UBE3D: variants seen among roughly 807,000 people sequenced by gnomAD.
UBE3D encodes the protein ubiquitin protein ligase E3D.
A neutral mutation model predicts 49.6 loss-of-function variants in UBE3D; 48 were observed. That is an observed-to-expected ratio of 0.97 (90% CI 0.77 to 1.23). UBE3D has a LOEUF of 1.23. Ranked by LOEUF, UBE3D falls within the 50% of genes most tolerant of loss-of-function variation. UBE3D has a pLI of 0.00. For synonymous variants in UBE3D, 189 were observed against 174.2 expected, an observed-to-expected ratio of 1.08 and a Z score of -0.67; for missense variants, 452 against 468.4, an observed-to-expected ratio of 0.96 and a Z score of 0.32.
chr6:83,044,917 C>T (rs760163790), intron 3 of UBE3D, among the ~76,000 whole-genome samples: 16 of 152,122 alleles, frequency 1.1e-4, no homozygotes, highest in Non-Finnish European at 2.2e-4. Context: ...CTTTGCCATC[C>T]GTTCAAAAGA....
intron 8 of UBE3D, among the ~76,000 whole-genome samples, chr6:82,994,229 A>C (rs1211892969): frequency 6.6e-6 from 1 of 152,188 alleles, no homozygotes; most frequent in Non-Finnish European, 1.5e-5. Context: ...ACTTATAACT[A>C]AAAACACCAA....
intron 9 of UBE3D, among the ~76,000 whole-genome samples, chr6:82,954,342 G>A (rs78281520): frequency 6.6e-6 from 1 of 152,158 alleles, no homozygotes; most frequent in African/African-American, 2.4e-5. Context: ...TAACAGAGTG[G>A]AAGCTATATT....
intron 5 of UBE3D, among the ~76,000 whole-genome samples, chr6:83,029,836 T>C (rs1366854403): frequency 1.3e-5 from 2 of 152,160 alleles, no homozygotes; most frequent in African/African-American, 2.4e-5. Context: ...AATTTTTTTT[T>C]AGTCTGGCTC....
intron 8 of UBE3D, among the ~76,000 whole-genome samples, chr6:82,989,376 G>A (rs1778732967): frequency 6.6e-6 from 1 of 151,960 alleles, no homozygotes; most frequent in Non-Finnish European, 1.5e-5. Flanking sequence ...TGGCTACATG[G>A]CATCTAGTAT....
intron 3 of UBE3D, among the ~76,000 whole-genome samples, chr6:83,052,503 G>C (rs1470664939): frequency 6.6e-6 from 1 of 152,154 alleles, no homozygotes; most frequent in Non-Finnish European, 1.5e-5. Flanking sequence ...GAGCCAACGA[G>C]GGGGAGACAG....
At chr6:82,971,695 A>C (rs1336399345) in intron 8 of UBE3D, among the ~76,000 whole-genome samples, 1 of 152,138 alleles carries the variant, frequency 6.6e-6, no homozygotes, top group Non-Finnish European at 1.5e-5. Flanking sequence ...AAGTGCTGGG[A>C]TTACAGGCAT....
chr6:82,919,988 G>A (rs73477707), intron 9 of UBE3D, among the ~76,000 whole-genome samples: 3,153 of 152,218 alleles, frequency 0.021, 49 homozygotes, highest in African/African-American at 0.038. Flanking sequence ...AAGTATCACC[G>A]AATGAAATTT....
downstream of UBE3D, among the ~76,000 whole-genome samples, chr6:82,891,925 C>G (rs1032847171): frequency 6.6e-6 from 1 of 152,078 alleles, no homozygotes; most frequent in Non-Finnish European, 1.5e-5. Flanking sequence ...TACTTGGGAG[C>G]CTGCGGCAGG....
chr6:82,937,615 T>A (rs945449620), intron 9 of UBE3D, among the ~76,000 whole-genome samples: 1 of 152,090 alleles, frequency 6.6e-6, no homozygotes, highest in Non-Finnish European at 1.5e-5. Context: ...ACTATACTTA[T>A]AAGTAAAATA....
At position 82,907,472 on chromosome 6, in the gene UBE3D, T is replaced by A. The variant is rs533802483; in HGVS notation, c.1150-14430A>T. Among the ~76,000 whole-genome samples the A allele has an allele frequency of 2.4e-4, 37 of 152,282 alleles. 1 individual carries two copies. In the South Asian group the frequency reaches 7.7e-3, roughly 32 times the overall value. ...CCAAAGGTTTCTCAGTCCCTGAGTT[T>A]CCTGTAAAACTCAAACCAATTACGG... On this transcript the variant is annotated intron_variant, in intron 9 of 9. Coordinates refer to ENST00000369747, the MANE Select transcript of UBE3D (RefSeq NM_198920.3).
At chr6:82,991,042 A>G (rs1227097664) in intron 8 of UBE3D, among the ~76,000 whole-genome samples, 1 of 152,168 alleles carries the variant, frequency 6.6e-6, no homozygotes, top group African/African-American at 2.4e-5. Flanking sequence ...TGGTACCTTC[A>G]CAGGGCCACT....
intron 9 of UBE3D, among the ~76,000 whole-genome samples, chr6:82,912,419 T>G (rs1772595930): frequency 6.6e-6 from 1 of 152,212 alleles, no homozygotes; most frequent in African/African-American, 2.4e-5. Flanking sequence ...TCTTCTTTCT[T>G]TGAGCTATTA....
intron 9 of UBE3D, among the ~76,000 whole-genome samples, chr6:82,934,163 ACT>A (rs947699510): frequency 1.3e-5 from 2 of 151,450 alleles, no homozygotes; most frequent in African/African-American, 4.9e-5. Context: ...TCCTTCACAC[ACT>A]CTCTCTCACC....
chr6:82,906,622 G>A (rs1244041038), intron 9 of UBE3D, among the ~76,000 whole-genome samples: 1 of 152,142 alleles, frequency 6.6e-6, no homozygotes, highest in East Asian at 1.9e-4. Context: ...AGTGGGGAAT[G>A]GTACTTAGCC....
chr6:83,062,098 G>A (rs1050306675), intron 1 of UBE3D, among the ~76,000 whole-genome samples: 5 of 151,264 alleles, frequency 3.3e-5, no homozygotes, highest in Non-Finnish European at 7.4e-5. Flanking sequence ...TATATTCTCT[G>A]CCGCCTCTTC....
At chr6:83,053,642 A>C (rs1210903183) in intron 3 of UBE3D, among the ~76,000 whole-genome samples, 1 of 152,244 alleles carries the variant, frequency 6.6e-6, no homozygotes, top group Non-Finnish European at 1.5e-5. Flanking sequence ...TGGCAAGAAT[A>C]AATGACAAAA....
At chr6:82,971,899 TGTTTG>T (rs1291540810) in intron 8 of UBE3D, among the ~76,000 whole-genome samples, 1 of 152,210 alleles carries the variant, frequency 6.6e-6, no homozygotes, top group Non-Finnish European at 1.5e-5. Flanking sequence ...GTATTCAAAA[TGTTTG>T]ACGCTTTCTT....
chr6:82,956,855 C>T (rs62430494), intron 9 of UBE3D, among the ~76,000 whole-genome samples: 24,258 of 152,128 alleles, frequency 0.16, 1,978 homozygotes, highest in South Asian at 0.17. Flanking sequence ...AGGCCGGATG[C>T]GGTGGCTCAT....
At chr6:83,044,799 T>C in intron 3 of UBE3D, 140 bp from the exon 4 acceptor site, 1 of 699,274 alleles carries the variant, frequency 1.4e-6, no homozygotes, top group East Asian at 2.7e-5. Flanking sequence ...ATAAAAGTAA[T>C]ATATACTCAC....
Sources: gnomAD v4.1 joint callset for allele counts (sites outside exome capture counted in the v4.1 genomes callset) on GRCh38, gnomAD v4.1.1 for gene constraint, MANE v1.5 for transcripts, NCBI Gene and HGNC (gene_info 2026-07-23, HGNC 2026-07-21) for gene names.